Variants in MSR1 observed in about 807,000 individuals in gnomAD.
MSR1 encodes macrophage scavenger receptor 1.
Under a neutral mutation model 47.2 loss-of-function variants are expected in MSR1, and 53 were observed. The observed-to-expected ratio is 1.12, with a 90% CI of 0.90 to 1.41. MSR1 has a LOEUF of 1.41. Ranked by LOEUF, MSR1 falls within the 40% of genes most tolerant of loss-of-function variation. The pLI, the probability that MSR1 is intolerant of heterozygous loss-of-function variation, is 0.00. For missense variants in MSR1, 786 were observed against 546.9 expected (o/e 1.44, Z -4.36); for synonymous variants, 239 against 185.6 (o/e 1.29, Z -2.34).
At chr8:16,178,466 G>C in intron 1 of MSR1, among the ~76,000 whole-genome samples, 1 of 152,236 alleles carries the variant, frequency 6.6e-6, no homozygotes, top group Non-Finnish European at 1.5e-5. Flanking sequence ...AGTACTCCAC[G>C]GTGTACATGT....
intron 1 of MSR1, among the ~76,000 whole-genome samples, chr8:16,180,472 C>A (rs190287323): frequency 1.6e-3 from 240 of 152,268 alleles, no homozygotes; most frequent in Admixed American, 0.011. Flanking sequence ...ATTTTAAGAA[C>A]CTTTTCCATA....
chr8:16,126,339 GT>G (rs1273773130), intron 8 of MSR1, among the ~76,000 whole-genome samples: 1 of 151,936 alleles, frequency 6.6e-6, no homozygotes, highest in East Asian at 1.9e-4. Context: ...GAGCATAACA[GT>G]TATTATCCTA....
chr8:16,182,599 G>C lies in MSR1; in HGVS notation c.-4-4607C>G, dbSNP rs184933593. On this transcript the variant is annotated intron_variant, in intron 1 of 9. Transcript: ENST00000262101. ...ATGTTTCTACTTCTTTAACTTTTTT[G>C]TTGATAACTAAGGCACAAACACACA... Among the ~76,000 whole-genome samples, 193 of 136,402 alleles carry C rather than the reference G, an allele frequency of 1.4e-3. 1 individual carries two copies. Among genetic ancestry groups the C allele is most frequent in the African/African-American group, 5.0e-3 (186 of 37,056 alleles). The allele number at this position is 136,402 out of a possible 152,430, so 89.5% of individuals were successfully genotyped here.
chr8:16,169,715 CT>C (rs1801426418), intron 3 of MSR1, among the ~76,000 whole-genome samples: 1 of 151,658 alleles, frequency 6.6e-6, no homozygotes. Context: ...ATCATAAGTA[CT>C]TTTTTATATT....
Position 16,168,491 on chromosome 8 carries a change from G to C in MSR1, c.597C>G (p.Gly199=). 1 of 1,614,076 alleles carries C rather than the reference G, an allele frequency of 6.2e-7. No homozygotes were observed. The highest frequency in any genetic ancestry group is 8.5e-7 in the Non-Finnish European group (1 of 1,179,988). The change falls in exon 4 of 10, where the codon GGC becomes GGG. Residue 199 remains glycine (G), a synonymous_variant. Transcript: ENST00000262101. ...GTTTGAAGGTATTCTCTTGGATTTT[G>C]CCATTCAGATTTTCTATGTTGAGCT... ...DLQLNIENLN[G]KIQENTFKQQ...
rs753739746 is a variant in MSR1 at position 16,150,305 on chromosome 8, G to A, written c.905C>T (p.Pro302Leu). The A allele has an allele frequency of 8.6e-5, 135 of 1,562,380 alleles. No individual in the cohort carries two copies. The highest frequency in any genetic ancestry group is 6.9e-4 in the Middle Eastern group (4 of 5,832). The change falls in exon 7 of 10, where the codon CCG becomes CTG. Residue 302 changes from proline (P) to leucine (L), a missense_variant. Coordinates refer to ENST00000262101, the MANE Select transcript of MSR1 (RefSeq NM_138715.3). ...PRGFPGPIGP[P>L]GLKGDRGAIG... ...TGCTCCCCGATCACCTTTAAGACCC[G>A]GAGGACCTACATTATTAACGAAGAA...
At chr8:16,121,143 A>G (rs749000029) in intron 8 of MSR1, 12 of 436,372 alleles carry the variant, frequency 2.7e-5, no homozygotes, top group South Asian at 2.0e-4. Context: ...TTCATTTAGA[A>G]ATAGCAAAGA....
Position 16,158,462 on chromosome 8 carries a change from G to A in MSR1, c.818-3318C>T, listed in dbSNP as rs549855619. 6.6e-5 allele frequency among the ~76,000 whole-genome samples: 10 copies of A among 151,930 alleles called. No homozygotes were observed. In the South Asian group the frequency reaches 2.1e-3, roughly 32 times the overall value. On this transcript the variant is annotated intron_variant, in intron 5 of 9. Coordinates refer to ENST00000262101, the MANE Select transcript of MSR1 (RefSeq NM_138715.3). ...ATCATATCATTTAAAATCCTCAGAC[G>A]ATAACATAGCACTAATAATATCTGA...
At chr8:16,173,999 T>C (rs901203555) in intron 3 of MSR1, among the ~76,000 whole-genome samples, 1 of 152,270 alleles carries the variant, frequency 6.6e-6, no homozygotes, top group Non-Finnish European at 1.5e-5. Context: ...AAAGACTTGA[T>C]TAAACTGGGA....
intron 1 of MSR1, among the ~76,000 whole-genome samples, chr8:16,179,799 C>T (rs1363681080): frequency 6.7e-6 from 1 of 149,672 alleles, no homozygotes; most frequent in Non-Finnish European, 1.5e-5. Flanking sequence ...ATCGCTTGTA[C>T]CCGGAAGACA....
Position 16,192,581 on chromosome 8 carries a change from C to T in MSR1, c.-5+17G>A, listed in dbSNP as rs1802229715. 6.6e-6 allele frequency: 1 copy of T among 151,898 alleles called. No individual in the cohort carries two copies. Among genetic ancestry groups the T allele is most frequent in the Non-Finnish European group, 1.5e-5 (1 of 67,980 alleles). 9.4% of individuals were successfully genotyped at this position (151,898 alleles called of 1,614,324 possible). On this transcript the variant is annotated intron_variant, in intron 1 of 9. Coordinates refer to ENST00000262101, the MANE Select transcript of MSR1 (RefSeq NM_138715.3). ...ATTCTGGAAAAAACATTAAAATAAG[C>T]CTTTTTTTTTCTTTACCTTTCGTCC...
chr8:16,170,634 G>A (rs764123407), intron 3 of MSR1, among the ~76,000 whole-genome samples: 9 of 152,062 alleles, frequency 5.9e-5, no homozygotes, highest in Non-Finnish European at 1.3e-4. Context: ...AAAGTGATAT[G>A]GTGATAGTAC....
At position 16,175,297 on chromosome 8, in the gene MSR1, G is replaced by C. The variant is rs1801612722; in HGVS notation, c.107C>G (p.Pro36Arg). The C allele has an allele frequency of 6.2e-7, 1 of 1,613,270 alleles. No individual in the cohort carries two copies. Among genetic ancestry groups the C allele is most frequent in the Non-Finnish European group, 8.5e-7 (1 of 1,179,420 alleles). Reference protein sequence around the residue: ...RSMTALLPPNPKNSPSLQEKL... With the variant: ...RSMTALLPPNRKNSPSLQEKL... ...CTCTTGAAGGGAAGGGCTGTTTTTA[G>C]GATCTAATAAAACAAAAAAGCCCAG... The change falls in exon 3 of 10, where the codon CCT becomes CGT. Residue 36 changes from proline to arginine, a missense_variant. Coordinates refer to ENST00000262101, the MANE Select transcript of MSR1 (RefSeq NM_138715.3).
chr8:16,168,899 C>T (rs752318840), intron 3 of MSR1, 29 bp from the exon 4 acceptor site: 1 of 1,604,564 alleles, frequency 6.2e-7, no homozygotes, highest in South Asian at 1.1e-5. Flanking sequence ...ATAAACCAGT[C>T]ATGGCCTGAT....
chr8:16,160,801 G>A (rs560259349), intron 5 of MSR1, among the ~76,000 whole-genome samples: 4 of 152,016 alleles, frequency 2.6e-5, no homozygotes, highest in East Asian at 3.9e-4. Flanking sequence ...TTACTTGTTC[G>A]TGGCACTTCA....
intron 3 of MSR1, among the ~76,000 whole-genome samples, chr8:16,173,372 A>G (rs1273200585): frequency 6.6e-6 from 1 of 152,196 alleles, no homozygotes; most frequent in Non-Finnish European, 1.5e-5. Context: ...AAATCTACTC[A>G]AATTCTAATT....
intron 8 of MSR1, among the ~76,000 whole-genome samples, chr8:16,131,446 T>TG (rs1800255909): frequency 6.8e-6 from 1 of 146,342 alleles, no homozygotes; most frequent in South Asian, 2.2e-4. Flanking sequence ...TGATAGTTTT[T>TG]TTTTTTTTTT....
chr8:16,169,332 G>A (rs1294404174), intron 3 of MSR1, among the ~76,000 whole-genome samples: 4 of 152,136 alleles, frequency 2.6e-5, no homozygotes, highest in African/African-American at 9.7e-5. Flanking sequence ...GTGAAATAGT[G>A]GTGTCATGCA....
intron 3 of MSR1, among the ~76,000 whole-genome samples, chr8:16,173,678 C>T (rs1367236990): frequency 2.0e-5 from 3 of 151,666 alleles, no homozygotes; most frequent in Non-Finnish European, 4.4e-5. Context: ...GACGGAGTCT[C>T]GCTCTGTCCC....
Sources: gnomAD v4.1 joint callset for allele counts (sites outside exome capture counted in the v4.1 genomes callset) on GRCh38, gnomAD v4.1.1 for gene constraint, MANE v1.5 for transcripts, NCBI Gene and HGNC (gene_info 2026-07-23, HGNC 2026-07-21) for gene names.